The following REV3L variants were observed in gnomAD, a reference collection of about 807,000 sequenced individuals.
REV3L encodes the protein DNA polymerase zeta catalytic subunit.
Under a neutral mutation model 299.4 loss-of-function variants are expected in REV3L, and 69 were observed. The ratio of observed to expected loss-of-function variants is 0.23; its 90% CI spans 0.19 to 0.28. The LOEUF (loss-of-function observed/expected upper bound fraction) is 0.28. Among genes scored for constraint, REV3L ranks in the 10% least tolerant of loss-of-function variants. The pLI is 1.00. For missense variants in REV3L, 3,128 were observed against 3,693.8 expected, an observed-to-expected ratio of 0.85 and a Z score of 3.97; for synonymous variants, 1,238 against 1,271.4, an observed-to-expected ratio of 0.97 and a Z score of 0.56.
chr6:111,350,357 A>G (rs1027501560), intron 19 of REV3L, among the ~76,000 whole-genome samples: 1 of 152,198 alleles, frequency 6.6e-6, no homozygotes, highest in Admixed American at 6.5e-5. Context: ...AATGTAACAT[A>G]TACTCTGGTG....
intron 1 of REV3L, among the ~76,000 whole-genome samples, chr6:111,465,081 ATTTG>A (rs1402614909): frequency 2.3e-5 from 3 of 132,002 alleles, no homozygotes; most frequent in Non-Finnish European, 5.1e-5. Flanking sequence ...AGTTATTTTT[ATTTG>A]TTTTTTTTTT....
intron 16 of REV3L, among the ~76,000 whole-genome samples, chr6:111,362,392 A>AG (rs1481027183): frequency 1.3e-5 from 2 of 152,222 alleles, no homozygotes; most frequent in African/African-American, 4.8e-5. Flanking sequence ...AATTGACTTG[A>AG]GAAAAAAAAC....
intron 18 of REV3L, among the ~76,000 whole-genome samples, chr6:111,352,850 T>C (rs1777714865): frequency 6.6e-6 from 1 of 152,188 alleles, no homozygotes; most frequent in African/African-American, 2.4e-5. Context: ...GTGGCTCCTC[T>C]TAGAACCTCC....
intron 1 of REV3L, chr6:111,471,967 C>A: frequency 9.2e-7 from 1 of 1,086,608 alleles, no homozygotes; most frequent in Non-Finnish European, 1.2e-6. Context: ...AAGGCTCACC[C>A]CCACCCCCCT....
chr6:111,422,649 C>T (rs546308081), intron 1 of REV3L, among the ~76,000 whole-genome samples: 1,357 of 22,396 alleles, frequency 0.061, 273 homozygotes, highest in Middle Eastern at 0.11. Flanking sequence ...TATATATATA[C>T]ATATATATAT....
intron 31 of REV3L, among the ~76,000 whole-genome samples, chr6:111,304,884 G>C (rs1772095760): frequency 6.6e-6 from 1 of 151,230 alleles, no homozygotes; most frequent in African/African-American, 2.4e-5. Context: ...AATTTGCTTA[G>C]GATAATAGCC....
chr6:111,425,414 G>GC (rs1786059756), intron 1 of REV3L, among the ~76,000 whole-genome samples: 1 of 152,140 alleles, frequency 6.6e-6, no homozygotes, highest in Non-Finnish European at 1.5e-5. Flanking sequence ...AGCGGAGATT[G>GC]CGCCACTGCA....
At chr6:111,361,842 C>A (rs999158132) in intron 16 of REV3L, among the ~76,000 whole-genome samples, 10 of 152,132 alleles carry the variant, frequency 6.6e-5, no homozygotes, top group African/African-American at 2.4e-4. Context: ...TTCCCTGTTT[C>A]AACCACCGGG....
chr6:111,299,248 T>TTAGAAGCAA lies in REV3L; in HGVS notation c.*759_*767dup, dbSNP rs1771203375. On this transcript the variant is annotated 3_prime_UTR_variant, in exon 32 of 32. Transcript: ENST00000368802. ...AGGAAAGAAAATATTTTAAGTATAT[T>TTAGAAGCAA]TAGAAGCAATAGAAATGTCTATACA... 6.6e-6 allele frequency: 1 copy of TTAGAAGCAA among 152,632 alleles called. No individual in the cohort carries two copies. Among genetic ancestry groups the TTAGAAGCAA allele is most frequent in the Non-Finnish European group, 1.5e-5 (1 of 68,028 alleles). 9.5% of individuals were successfully genotyped at this position (152,632 alleles called of 1,614,324 possible).
chr6:111,357,817 T>C (rs142918313), intron 17 of REV3L, among the ~76,000 whole-genome samples: 1 of 152,224 alleles, frequency 6.6e-6, no homozygotes, highest in African/African-American at 2.4e-5. Context: ...ATGATGAAAA[T>C]GCTTAACCAC....
chr6:111,402,124 T>A (rs899210025), intron 4 of REV3L, among the ~76,000 whole-genome samples: 2 of 151,792 alleles, frequency 1.3e-5, no homozygotes, highest in Non-Finnish European at 2.9e-5. Flanking sequence ...AAGAAAAAAA[T>A]AATAAAAAAT....
intron 7 of REV3L, among the ~76,000 whole-genome samples, chr6:111,388,467 ATTT>A (rs1180785680): frequency 1.3e-5 from 2 of 152,196 alleles, no homozygotes; most frequent in Admixed American, 1.3e-4. Flanking sequence ...AGATATAATA[ATTT>A]TAATTGAACT....
At chr6:111,347,023 A>T (rs924544742) in intron 20 of REV3L, among the ~76,000 whole-genome samples, 2 of 152,258 alleles carry the variant, frequency 1.3e-5, no homozygotes, top group South Asian at 4.1e-4. Context: ...TAGTCCCAGC[A>T]TTTTGGGAGG....
chr6:111,400,884 G>A (rs929307836), intron 4 of REV3L, among the ~76,000 whole-genome samples: 1 of 152,124 alleles, frequency 6.6e-6, no homozygotes, highest in Non-Finnish European at 1.5e-5. Flanking sequence ...TATTTAAGGT[G>A]TGAAGTATGT....
intron 16 of REV3L, among the ~76,000 whole-genome samples, chr6:111,359,999 T>C (rs1778485298): frequency 6.6e-6 from 1 of 152,146 alleles, no homozygotes; most frequent in African/African-American, 2.4e-5. Flanking sequence ...TGAAAATTTA[T>C]CCTAGAGACA....
intron 9 of REV3L, among the ~76,000 whole-genome samples, chr6:111,385,096 C>T (rs1781215646): frequency 6.6e-6 from 1 of 151,296 alleles, no homozygotes; most frequent in Admixed American, 6.6e-5. Flanking sequence ...ATGATGGCTG[C>T]CAGAAGCTAG....
intron 3 of REV3L, among the ~76,000 whole-genome samples, chr6:111,411,228 G>T (rs759455491): frequency 1.3e-5 from 2 of 152,104 alleles, no homozygotes; most frequent in Admixed American, 1.3e-4. Context: ...CAAGGCAGCC[G>T]TAATCTCTCC....
intron 21 of REV3L, among the ~76,000 whole-genome samples, chr6:111,336,313 T>A (rs1775892379): frequency 6.6e-6 from 1 of 152,088 alleles, no homozygotes; most frequent in African/African-American, 2.4e-5. Context: ...AAGTATACTA[T>A]AAGGAATAAA....
chr6:111,300,183 AT>A (rs869265991), intron 31 of REV3L, 27 bp from the exon 32 acceptor site: 2 of 1,428,286 alleles, frequency 1.4e-6, no homozygotes, highest in Non-Finnish European at 1.9e-6. Flanking sequence ...AATACAAAAA[AT>A]AATAGGAAAG....
Sources: gnomAD v4.1 joint callset for allele counts (sites outside exome capture counted in the v4.1 genomes callset) on GRCh38, gnomAD v4.1.1 for gene constraint, MANE v1.5 for transcripts, NCBI Gene and HGNC (gene_info 2026-07-23, HGNC 2026-07-21) for gene names.